Variants in LRRC4C observed in about 807,000 individuals in gnomAD.
The protein encoded by LRRC4C is leucine rich repeat containing 4C.
A neutral mutation model predicts 33.6 loss-of-function variants in LRRC4C; 5 were observed. The observed-to-expected ratio is 0.15, with a 90% CI of 0.08 to 0.31. LRRC4C has a LOEUF of 0.31. LRRC4C is among the 10% of genes least tolerant of loss of function. LRRC4C has a pLI of 1.00. For missense variants in LRRC4C, 560 were observed against 796.7 expected, an observed-to-expected ratio of 0.70 and a Z score of 3.58; for synonymous variants, 329 against 302.0, an observed-to-expected ratio of 1.09 and a Z score of -0.93.
chr11:40,386,038 C>T (rs1029732470), intron 3 of LRRC4C, among the ~76,000 whole-genome samples: 12 of 149,256 alleles, frequency 8.0e-5, no homozygotes, highest in South Asian at 2.1e-4. Flanking sequence ...ACCCATGAAA[C>T]GAAAATAAAA....
At chr11:40,416,041 G>A (rs191049036) in intron 3 of LRRC4C, among the ~76,000 whole-genome samples, 1 of 152,072 alleles carries the variant, frequency 6.6e-6, no homozygotes, top group Non-Finnish European at 1.5e-5. Context: ...ATTTAAAATT[G>A]TATTTTATTT....
At chr11:41,096,276 G>A (rs537359267) in intron 1 of LRRC4C, among the ~76,000 whole-genome samples, 1 of 152,178 alleles carries the variant, frequency 6.6e-6, no homozygotes, top group South Asian at 2.1e-4. Flanking sequence ...AGGCCATGCA[G>A]GTCAAGGATA....
At chr11:40,772,371 T>A (rs1266684086) in intron 2 of LRRC4C, among the ~76,000 whole-genome samples, 1 of 152,152 alleles carries the variant, frequency 6.6e-6, no homozygotes. Flanking sequence ...TCCCAACACA[T>A]GGTGAATACA....
intron 2 of LRRC4C, among the ~76,000 whole-genome samples, chr11:40,849,266 C>T (rs917029353): frequency 8.5e-5 from 13 of 152,166 alleles, no homozygotes; most frequent in African/African-American, 3.1e-4. Flanking sequence ...TTTCTTTTTG[C>T]AGTGGCTTGT....
intron 1 of LRRC4C, among the ~76,000 whole-genome samples, chr11:41,227,532 T>C (rs762809157): frequency 7.9e-5 from 12 of 152,096 alleles, no homozygotes; most frequent in Non-Finnish European, 1.3e-4. Context: ...AGAGACAGGG[T>C]CTTGCTCTGT....
chr11:41,275,082 A>G (rs1591128974), intron 1 of LRRC4C, among the ~76,000 whole-genome samples: 1 of 152,066 alleles, frequency 6.6e-6, no homozygotes, highest in Admixed American at 6.6e-5. Flanking sequence ...CTCTCTCCCT[A>G]TCTTGCTCCC....
At chr11:40,808,740 C>A (rs1196011936) in intron 2 of LRRC4C, among the ~76,000 whole-genome samples, 1 of 152,150 alleles carries the variant, frequency 6.6e-6, no homozygotes, top group Non-Finnish European at 1.5e-5. Flanking sequence ...TACTTTCTCT[C>A]TTCTCATCAA....
intron 6 of LRRC4C, among the ~76,000 whole-genome samples, chr11:40,124,064 C>T (rs1856022847): frequency 6.6e-6 from 1 of 151,984 alleles, no homozygotes; most frequent in Non-Finnish European, 1.5e-5. Flanking sequence ...AGACCTCTAT[C>T]TCTGGTCGTG....
At chr11:41,044,296 T>A (rs1194517148) in intron 1 of LRRC4C, among the ~76,000 whole-genome samples, 1 of 152,114 alleles carries the variant, frequency 6.6e-6, no homozygotes, top group Non-Finnish European at 1.5e-5. Context: ...AAAAAATGAA[T>A]CTTCATTGTG....
At chr11:40,643,199 A>G (rs549805393) in intron 3 of LRRC4C, among the ~76,000 whole-genome samples, 1 of 152,286 alleles carries the variant, frequency 6.6e-6, no homozygotes, top group Admixed American at 6.5e-5. Flanking sequence ...CACACAGAGA[A>G]AAAACATTTG....
chr11:40,537,414 C>T (rs538595123), intron 3 of LRRC4C, among the ~76,000 whole-genome samples: 2 of 152,186 alleles, frequency 1.3e-5, no homozygotes, highest in African/African-American at 2.4e-5. Flanking sequence ...TGAACTCCAG[C>T]AGTCTGGCTC....
chr11:40,250,361 C>T (rs1420352766), intron 4 of LRRC4C, among the ~76,000 whole-genome samples: 1 of 152,174 alleles, frequency 6.6e-6, no homozygotes, highest in African/African-American at 2.4e-5. Context: ...AATTTCTATA[C>T]TTCAGAACAC....
intron 1 of LRRC4C, among the ~76,000 whole-genome samples, chr11:41,090,849 C>A (rs936963578): frequency 6.6e-6 from 1 of 152,118 alleles, no homozygotes; most frequent in Admixed American, 6.6e-5. Context: ...TTTCCCTTTG[C>A]CTTCCATCAT....
chr11:40,410,549 G>A (rs995219677), intron 3 of LRRC4C, among the ~76,000 whole-genome samples: 8 of 152,040 alleles, frequency 5.3e-5, no homozygotes, highest in African/African-American at 1.7e-4. Context: ...ATATCTTATT[G>A]AGTTCATGTT....
At chr11:40,398,760 A>G (rs1403849799) in intron 3 of LRRC4C, among the ~76,000 whole-genome samples, 1 of 152,066 alleles carries the variant, frequency 6.6e-6, no homozygotes, top group Non-Finnish European at 1.5e-5. Flanking sequence ...ACATCACACT[A>G]TTAAAAGTTA....
intron 2 of LRRC4C, among the ~76,000 whole-genome samples, chr11:40,834,445 T>C (rs1292010515): frequency 2.7e-5 from 4 of 149,320 alleles, no homozygotes; most frequent in Non-Finnish European, 5.9e-5. Context: ...CACTCCAGCC[T>C]GCATGATAGA....
chr11:41,257,405 C>G (rs917004206), intron 1 of LRRC4C, among the ~76,000 whole-genome samples: 5 of 151,928 alleles, frequency 3.3e-5, no homozygotes, highest in Non-Finnish European at 7.4e-5. Context: ...AGATGGCACA[C>G]TTAACTTGGT....
intron 1 of LRRC4C, among the ~76,000 whole-genome samples, chr11:41,414,913 G>A (rs777246249): frequency 1.2e-4 from 18 of 152,274 alleles, no homozygotes; most frequent in Middle Eastern, 3.4e-3. Flanking sequence ...TAAGGAACCA[G>A]CAAATGCTGC....
At chr11:40,849,006 T>G (rs1171933217) in intron 2 of LRRC4C, among the ~76,000 whole-genome samples, 1 of 152,206 alleles carries the variant, frequency 6.6e-6, no homozygotes. Flanking sequence ...TGGTAAATCT[T>G]CCTCTATCCC....
Sources: gnomAD v4.1 joint callset for allele counts (sites outside exome capture counted in the v4.1 genomes callset) on GRCh38, gnomAD v4.1.1 for gene constraint, MANE v1.5 for transcripts, NCBI Gene and HGNC (gene_info 2026-07-23, HGNC 2026-07-21) for gene names.